Variants in ART3 observed in about 807,000 individuals in gnomAD.
ART3 encodes the protein ADP-ribosyltransferase 3 (inactive).
ART3 carries 49 observed loss-of-function variants against 48.5 expected under a neutral mutation model. The observed-to-expected ratio is 1.01, with a 90% CI of 0.80 to 1.28. The LOEUF is 1.28. Ranked by LOEUF, ART3 falls within the 50% of genes most tolerant of loss-of-function variation. The pLI is 0.00. For synonymous variants in ART3, 145 were observed against 157.2 expected, an observed-to-expected ratio of 0.92 and a Z score of 0.58; for missense variants, 438 against 454.3, an observed-to-expected ratio of 0.96 and a Z score of 0.33.
intron 1 of ART3, chr4:76,035,864 G>C: frequency 7.0e-7 from 1 of 1,420,394 alleles, no homozygotes; most frequent in Non-Finnish European, 9.8e-7. Flanking sequence ...AAAAGTGGAA[G>C]AAAAGACATT....
intron 1 of ART3, among the ~76,000 whole-genome samples, chr4:76,064,754 G>T (rs767679566): frequency 1.3e-5 from 2 of 152,060 alleles, no homozygotes; most frequent in Non-Finnish European, 2.9e-5. Context: ...AATATTGAAA[G>T]TGGATGCTTT....
At chr4:76,022,845 G>C (rs778941036) in intron 1 of ART3, 6 of 1,592,212 alleles carry the variant, frequency 3.8e-6, no homozygotes, top group Non-Finnish European at 5.1e-6. Context: ...CAGCAGAGAA[G>C]GTTAGCACAG....
At chr4:76,111,240 G>T (rs962007515) in intron 11 of ART3, among the ~76,000 whole-genome samples, 3 of 151,996 alleles carry the variant, frequency 2.0e-5, no homozygotes, top group African/African-American at 7.3e-5. Context: ...TGTATTTTTT[G>T]TCATGTTTGG....
chr4:76,071,748 C>T (rs557945092), upstream of ART3, among the ~76,000 whole-genome samples: 1 of 152,314 alleles, frequency 6.6e-6, no homozygotes, highest in Non-Finnish European at 1.5e-5. Context: ...ACACGGTCTT[C>T]TCCATGTCAA....
At chr4:76,036,012 G>A in intron 1 of ART3, 1 of 1,608,192 alleles carries the variant, frequency 6.2e-7, no homozygotes, top group Non-Finnish European at 8.5e-7. Context: ...GTTGCTGCTG[G>A]TGCTGCTGCT....
intron 1 of ART3, among the ~76,000 whole-genome samples, chr4:76,065,616 A>T (rs1455673328): frequency 6.6e-6 from 1 of 151,854 alleles, no homozygotes; most frequent in South Asian, 2.1e-4. Context: ...CTTGTCCTTG[A>T]TAAGAATGTG....
chr4:76,036,277 G>A (rs1734397529), intron 1 of ART3: 2 of 366,304 alleles, frequency 5.5e-6, no homozygotes, highest in Non-Finnish European at 9.7e-6. Flanking sequence ...AACCCAGATG[G>A]TAACCAGCCT....
intron 10 of ART3, 66 bp from the exon 11 acceptor site, chr4:76,107,695 C>A: frequency 8.7e-7 from 1 of 1,151,564 alleles, no homozygotes; most frequent in South Asian, 1.4e-5. Flanking sequence ...AATTTTTAAT[C>A]AGATCTTTCT....
intron 1 of ART3, among the ~76,000 whole-genome samples, chr4:76,012,980 T>C (rs1346953373): frequency 1.3e-5 from 2 of 152,228 alleles, no homozygotes; most frequent in African/African-American, 4.8e-5. Flanking sequence ...TTTATTCTTA[T>C]GGTTCTAGAC....
chr4:76,106,733 T>A (rs943877837), intron 10 of ART3, among the ~76,000 whole-genome samples: 1 of 152,086 alleles, frequency 6.6e-6, no homozygotes, highest in Non-Finnish European at 1.5e-5. Context: ...CTCAAGAGAC[T>A]TCCCCCCCAC....
upstream of ART3, among the ~76,000 whole-genome samples, chr4:76,073,052 A>G (rs1035933031): frequency 1.3e-5 from 2 of 152,252 alleles, no homozygotes; most frequent in African/African-American, 4.8e-5. Flanking sequence ...ACATACTTGC[A>G]TAATTTACGT....
chr4:76,042,383 T>C (rs952143648), intron 1 of ART3, among the ~76,000 whole-genome samples: 3 of 152,238 alleles, frequency 2.0e-5, no homozygotes, highest in Non-Finnish European at 4.4e-5. Flanking sequence ...CCATTTATTA[T>C]AAATAAGTAT....
chr4:76,032,431 T>C lies in ART3; in HGVS notation c.-10+21111T>C, dbSNP rs1301645846. On this transcript the variant is annotated intron_variant, in intron 1 of 9. Transcript: ENST00000341029. ...TATGTTGCCCAAGCTAGTCTTGAACTCCTGGGCTTAAGCCATTCACCTATG... is the reference window on the plus strand; with the variant it reads ...TATGTTGCCCAAGCTAGTCTTGAACCCCTGGGCTTAAGCCATTCACCTATG... Among the ~76,000 whole-genome samples, 7 of 152,208 alleles carry C rather than the reference T, an allele frequency of 4.6e-5. No homozygotes were observed. In the East Asian group the frequency reaches 1.4e-3, roughly 29 times the overall value.
chr4:76,076,741 C>T (rs1721171448), intron 2 of ART3, among the ~76,000 whole-genome samples: 1 of 152,018 alleles, frequency 6.6e-6, no homozygotes, highest in Non-Finnish European at 1.5e-5. Context: ...TGACCATTTT[C>T]CCACATTTTT....
intron 3 of ART3, among the ~76,000 whole-genome samples, chr4:76,085,936 G>A (rs188863333): frequency 1.3e-5 from 2 of 152,196 alleles, no homozygotes; most frequent in East Asian, 3.9e-4. Flanking sequence ...GCCAGGCGTG[G>A]TGCCACGTGC....
At chr4:76,036,339 C>T (rs1181780690) in intron 1 of ART3, 2 of 302,978 alleles carry the variant, frequency 6.6e-6, no homozygotes, top group Non-Finnish European at 1.2e-5. Context: ...CTACTTTGGG[C>T]AGCGGAATTC....
chr4:76,111,355 AG>A (rs1210487746), intron 11 of ART3, among the ~76,000 whole-genome samples: 2 of 152,202 alleles, frequency 1.3e-5, no homozygotes, highest in African/African-American at 2.4e-5. Flanking sequence ...TACAAGAAAA[AG>A]TTGAATTGCT....
At chr4:76,095,911 T>G (rs1257792433) in intron 3 of ART3, among the ~76,000 whole-genome samples, 2 of 151,780 alleles carry the variant, frequency 1.3e-5, no homozygotes, top group Non-Finnish European at 2.9e-5. Context: ...ACTCATCTCC[T>G]GCTGAGACAA....
intron 1 of ART3, among the ~76,000 whole-genome samples, chr4:76,030,568 A>T (rs889205085): frequency 2.0e-5 from 3 of 152,232 alleles, no homozygotes; most frequent in African/African-American, 7.2e-5. Context: ...CTGTGAAGCC[A>T]TCACCATAAT....
Sources: allele counts gnomAD v4.1 joint callset (sites outside exome capture counted in the v4.1 genomes callset), GRCh38; gene constraint gnomAD v4.1.1; transcripts MANE v1.5; gene names NCBI Gene and HGNC (gene_info 2026-07-23, HGNC 2026-07-21).